Variants in MKRN2 observed in about 807,000 individuals in gnomAD.
MKRN2 encodes E3 ubiquitin-protein ligase makorin-2.
A neutral mutation model predicts 45.4 loss-of-function variants in MKRN2; 32 were observed. That is an observed-to-expected ratio of 0.70 (90% CI 0.53 to 0.95). The LOEUF (loss-of-function observed/expected upper bound fraction) is 0.95, where lower values mean the gene tolerates loss of function less well. Ranked by LOEUF, MKRN2 falls within the 40% of genes least tolerant of loss-of-function variation. The pLI is 0.00. For synonymous variants in MKRN2, 206 were observed against 192.4 expected, an observed-to-expected ratio of 1.07 and a Z score of -0.59; for missense variants, 526 against 536.7, an observed-to-expected ratio of 0.98 and a Z score of 0.20.
In MKRN2 at chr3:12,583,095, G is replaced by A. The variant is rs1281578120; in HGVS notation, c.*842G>A. ...CTCAAATATACGTGCACTTACATGT[G>A]TGGTTCGTACTCAAGTGATCTATTA... On this transcript the variant is annotated 3_prime_UTR_variant, in exon 8 of 8. Coordinates refer to ENST00000170447, the MANE Select transcript of MKRN2 (RefSeq NM_014160.5). 6.6e-6 allele frequency: 1 copy of A among 152,222 alleles called. No homozygotes were observed. Among genetic ancestry groups the A allele is most frequent in the Admixed American group, 6.5e-5 (1 of 15,280 alleles). The allele number at this position is 152,222 out of a possible 1,614,324, so 9.4% of individuals were successfully genotyped here.
chr3:12,574,764 A>G, intron 4 of MKRN2, 28 bp from the exon 5 acceptor site: 6 of 1,599,536 alleles, frequency 3.8e-6, no homozygotes, highest in Non-Finnish European at 4.3e-6. Context: ...GCCCACAACC[A>G]AAGCCTTCCT....
intron 1 of MKRN2, among the ~76,000 whole-genome samples, chr3:12,566,665 C>T (rs1173357965): frequency 2.0e-5 from 3 of 152,138 alleles, no homozygotes; most frequent in Non-Finnish European, 2.9e-5. Flanking sequence ...TGCAATGGCG[C>T]GATCTTGGCT....
rs1194712998 is a variant in MKRN2 at position 12,576,973 on chromosome 3, T to TCA, written c.968+234_968+235dup. The TCA allele has an allele frequency of 1.4e-5, 3 of 207,976 alleles. No individual in the cohort carries two copies. The South Asian group carries it at 1.7e-4, about 12-fold the overall frequency. 12.9% of individuals were successfully genotyped at this position (207,976 alleles called of 1,614,324 possible). A position where few individuals can be genotyped will look rare whatever the true frequency, so the allele number is the denominator to read the frequency against. ...TTTTTTTTTTCGGTGAGATAGGGTC[T>TCA]CACTCTGTTGCCCAGGCTGGAGTGC... On this transcript the variant is annotated intron_variant, in intron 6 of 7. Transcript: ENST00000170447.
chr3:12,566,454 TTCTCTC>T (rs34029961), intron 1 of MKRN2, among the ~76,000 whole-genome samples: 1 of 151,188 alleles, frequency 6.6e-6, no homozygotes, highest in Non-Finnish European at 1.5e-5. Context: ...GCAAGTTTGT[TTCTCTC>T]TCTCTCTCTC....
chr3:12,564,802 A>C (rs920342817), intron 1 of MKRN2, among the ~76,000 whole-genome samples: 6 of 152,224 alleles, frequency 3.9e-5, no homozygotes, highest in African/African-American at 1.4e-4. Flanking sequence ...AACCCTAGGC[A>C]ACCACTTAAT....
At chr3:12,575,399 A>T (rs2058126368) in intron 5 of MKRN2, among the ~76,000 whole-genome samples, 2 of 152,164 alleles carry the variant, frequency 1.3e-5, no homozygotes, top group African/African-American at 4.8e-5. Flanking sequence ...GGGTTATTTG[A>T]GGATGAAGTG....
chr3:12,559,114 A>G (rs897380165), intron 1 of MKRN2, among the ~76,000 whole-genome samples: 8 of 152,238 alleles, frequency 5.3e-5, no homozygotes, highest in Admixed American at 3.9e-4. Context: ...ATACAAGGAT[A>G]TGTAAAACTG....
chr3:12,566,750 C>T (rs550895531), intron 1 of MKRN2, among the ~76,000 whole-genome samples: 1 of 152,170 alleles, frequency 6.6e-6, no homozygotes, highest in South Asian at 2.1e-4. Context: ...TTACAGGCAC[C>T]TGCCACCACA....
chr3:12,570,288 C>A (rs775683923), intron 3 of MKRN2, 36 bp downstream of exon 3: 1 of 1,588,102 alleles, frequency 6.3e-7, no homozygotes, highest in Non-Finnish European at 8.6e-7. Flanking sequence ...CGTCTTTTTG[C>A]ATAGCACTCT....
At position 12,570,171 on chromosome 3, in the gene MKRN2, G is replaced by C; in HGVS notation, c.256G>C (p.Glu86Gln). The C allele has an allele frequency of 6.2e-7, 1 of 1,614,138 alleles. No homozygotes were observed. The highest frequency in any genetic ancestry group is 8.5e-7 in the Non-Finnish European group (1 of 1,180,020). Residue 86 changes from glutamate (E) to glutamine (Q), a missense_variant, in exon 3 of 8, where the codon GAG (glutamate) becomes CAG (glutamine). Coordinates refer to ENST00000170447, the MANE Select transcript of MKRN2 (RefSeq NM_014160.5). ...PAFHSPHPPSEVTASIVKTNS... is the reference protein window; with the variant it reads ...PAFHSPHPPSQVTASIVKTNS... The stretch of plus-strand genomic sequence containing the variant: ...TTTCCACAGTCCTCACCCTCCTTCC[G>C]AGGTCACTGCATCCATTGTGAAAAC...
chr3:12,565,553 GGA>G (rs2058064731), intron 1 of MKRN2, among the ~76,000 whole-genome samples: 5 of 110,064 alleles, frequency 4.5e-5, no homozygotes, highest in Admixed American at 1.0e-4. Flanking sequence ...TTTTTTTTTG[GGA>G]GACAGGGTCT....
intron 4 of MKRN2, among the ~76,000 whole-genome samples, chr3:12,573,910 A>C (rs1335719607): frequency 2.0e-5 from 3 of 151,560 alleles, no homozygotes; most frequent in Admixed American, 1.3e-4. Flanking sequence ...AAAAAAAATT[A>C]TTTTATTTTT....
In MKRN2 at chr3:12,581,851, C is replaced by T; in HGVS notation, c.1012C>T (p.Pro338Ser). The T allele has an allele frequency of 1.2e-6, 2 of 1,614,112 alleles. No homozygotes were observed. The highest frequency in any genetic ancestry group is 1.7e-6 in the Non-Finnish European group (2 of 1,180,032). Residue 338 changes from proline (P) to serine (S), a missense_variant, in exon 7 of 8, where the codon CCA becomes TCA. Pro to Ser is a moderately conservative substitution (Grantham distance 74, BLOSUM62 -1). Coordinates refer to ENST00000170447, the MANE Select transcript of MKRN2 (RefSeq NM_014160.5). Reference protein sequence around the residue: ...KYFEQGKGTCPFGSKCLYRHA... With the variant: ...KYFEQGKGTCSFGSKCLYRHA... Reference sequence around the variant, plus strand: ...CTTTGAGCAAGGCAAGGGGACCTGCCCATTTGGAAGCAAATGTCTTTATCG... The same window carrying T: ...CTTTGAGCAAGGCAAGGGGACCTGCTCATTTGGAAGCAAATGTCTTTATCG...
intron 6 of MKRN2, chr3:12,577,190 CG>C (rs1269626478): frequency 1.3e-5 from 2 of 152,542 alleles, no homozygotes; most frequent in African/African-American, 4.8e-5. Flanking sequence ...CCTCCTGCCT[CG>C]GCCTCCCAAA....
chr3:12,575,421 G>A (rs958207082), intron 5 of MKRN2, among the ~76,000 whole-genome samples: 8 of 152,198 alleles, frequency 5.3e-5, no homozygotes, highest in African/African-American at 1.7e-4. Context: ...AATAATGCAT[G>A]TAAAACATTC....
rs143793498 is a variant in MKRN2, at chr3:12,572,250, C to T, written c.519C>T (p.Tyr173=). ...GCAACGAGCAGCAGCTGTGCCCCTA[C>T]GCAGCTGCTGGGGAGTGCCGGTTTG... ...SYSNEQQLCP[Y]AAAGECRFGD... Residue 173 remains tyrosine, a synonymous_variant, in exon 4 of 8, where the codon TAC becomes TAT. Coordinates refer to ENST00000170447, the MANE Select transcript of MKRN2 (RefSeq NM_014160.5). 4.0e-5 allele frequency: 65 copies of T among 1,613,988 alleles called. No homozygotes were observed. The highest frequency in any genetic ancestry group is 5.5e-5 in the South Asian group (5 of 91,078).
intron 7 of MKRN2, 65 bp downstream of exon 7, chr3:12,582,017 C>T: frequency 6.2e-7 from 1 of 1,609,128 alleles, no homozygotes; most frequent in Non-Finnish European, 8.5e-7. Flanking sequence ...AGGTACCGTT[C>T]CTGGCAGAGA....
In MKRN2 at chr3:12,569,014, T is replaced by A; in HGVS notation, c.155+11T>A. On this transcript the variant is annotated intron_variant, in intron 2 of 7. Coordinates refer to ENST00000170447, the MANE Select transcript of MKRN2 (RefSeq NM_014160.5). ...TGGAACTCGGTGCAGGCAAGGACTCTGCAACAGATTCCAGCTGTGACACTG... is the reference window on the plus strand; with the variant it reads ...TGGAACTCGGTGCAGGCAAGGACTCAGCAACAGATTCCAGCTGTGACACTG... 1 of 1,607,466 alleles carries A rather than the reference T, an allele frequency of 6.2e-7. No homozygotes were observed. The highest frequency in any genetic ancestry group is 8.5e-7 in the Non-Finnish European group (1 of 1,177,770).
At chr3:12,560,547 C>T (rs2058028540) in intron 1 of MKRN2, among the ~76,000 whole-genome samples, 2 of 150,214 alleles carry the variant, frequency 1.3e-5, no homozygotes, top group African/African-American at 4.9e-5. Flanking sequence ...TTTGCAAAAG[C>T]GTTTTGCTAA....
Sources: gnomAD v4.1 joint callset for allele counts (sites outside exome capture counted in the v4.1 genomes callset) on GRCh38, gnomAD v4.1.1 for gene constraint, MANE v1.5 for transcripts, NCBI Gene and HGNC (gene_info 2026-07-23, HGNC 2026-07-21) for gene names.